The following SEC31A variants were observed in gnomAD, a reference collection of about 807,000 sequenced individuals.
SEC31A encodes SEC31 homolog A, COPII component.
SEC31A carries 70 observed loss-of-function variants against 151.0 expected under a neutral mutation model. The ratio of observed to expected loss-of-function variants is 0.46; its 90% CI spans 0.38 to 0.57. The LOEUF (loss-of-function observed/expected upper bound fraction) is 0.57, where lower values mean the gene tolerates loss of function less well. Among genes scored for constraint, SEC31A ranks in the 20% least tolerant of loss-of-function variants. The pLI is 0.00. For synonymous variants in SEC31A, 475 were observed against 505.9 expected (o/e 0.94, Z 0.82); for missense variants, 1,330 against 1,471.2 (o/e 0.90, Z 1.57).
intron 1 of SEC31A, among the ~76,000 whole-genome samples, chr4:82,885,597 T>C (rs1041094257): frequency 6.6e-6 from 1 of 152,168 alleles, no homozygotes; most frequent in Non-Finnish European, 1.5e-5. Flanking sequence ...TTTCTCAGTG[T>C]TTACCTTTGA....
chr4:82,873,512 T>G (rs1737224747), intron 6 of SEC31A, among the ~76,000 whole-genome samples: 1 of 152,206 alleles, frequency 6.6e-6, no homozygotes, highest in Admixed American at 6.5e-5. Context: ...TATTAGGAAC[T>G]ATCTGCAAGT....
In SEC31A at chr4:82,833,906, G is replaced by C. The variant is rs1026677084; in HGVS notation, c.2969-4848C>G. On this transcript the variant is annotated intron_variant, in intron 22 of 26. Coordinates refer to ENST00000395310, the MANE Select transcript of SEC31A (RefSeq NM_001077207.4). ...GCACATGTCCCAGGGAAACTGTGAG[G>C]GGGGAGAGGTAATCCCACAGTTTGA... Among the ~76,000 whole-genome samples, 4 of 152,194 alleles carry C rather than the reference G, an allele frequency of 2.6e-5. No individual in the cohort carries two copies. The East Asian group carries it at 5.8e-4, about 22-fold the overall frequency.
chr4:82,833,097 C>T (rs1726349520), intron 22 of SEC31A, among the ~76,000 whole-genome samples: 1 of 152,202 alleles, frequency 6.6e-6, no homozygotes, highest in Non-Finnish European at 1.5e-5. Flanking sequence ...GATAAAGACA[C>T]ATGCACACGT....
intron 22 of SEC31A, among the ~76,000 whole-genome samples, chr4:82,833,087 G>A (rs939800360): frequency 1.1e-4 from 17 of 152,008 alleles, no homozygotes; most frequent in Admixed American, 7.9e-4. Context: ...ATCATTCTAC[G>A]ATAAAGACAC....
At chr4:82,849,622 A>AC in intron 19 of SEC31A, among the ~76,000 whole-genome samples, 1 of 151,562 alleles carries the variant, frequency 6.6e-6, no homozygotes. Flanking sequence ...TCAAAAAAAA[A>AC]AAAAAAAAAC....
chr4:82,829,260 G>C, intron 22 of SEC31A: 1 of 485,092 alleles, frequency 2.1e-6, no homozygotes, highest in East Asian at 3.0e-5. Context: ...GTCTTCACTT[G>C]GTAGGTAAGA....
At chr4:82,834,337 GAGA>G (rs1187969371) in intron 22 of SEC31A, among the ~76,000 whole-genome samples, 2 of 152,190 alleles carry the variant, frequency 1.3e-5, no homozygotes, top group Admixed American at 6.5e-5. Flanking sequence ...CCTTCCTCAT[GAGA>G]AGAAAGTGCA....
At chr4:82,830,906 T>C in intron 22 of SEC31A, 6 of 1,100,034 alleles carry the variant, frequency 5.5e-6, no homozygotes, top group Non-Finnish European at 7.0e-6. Context: ...TATTCAAAGA[T>C]TTCCAAAGGT....
At chr4:82,896,238 A>G (rs899437359), upstream of SEC31A, among the ~76,000 whole-genome samples, 5 of 152,144 alleles carry the variant, frequency 3.3e-5, no homozygotes, top group Non-Finnish European at 4.4e-5. Flanking sequence ...TTCTTTTTTG[A>G]GACAGAGTCT....
At position 82,854,921 on chromosome 4, in the gene SEC31A, C is replaced by A; in HGVS notation, c.1990G>T (p.Glu664Ter). ...CTCTTACCACAAAGGGCTGAAAATTCATCCGGCTTTGCATAAGTCAATACT... is the reference window on the plus strand; with the variant it reads ...CTCTTACCACAAAGGGCTGAAAATTAATCCGGCTTTGCATAAGTCAATACT... ...AAVLTYAKPDEFSALCDLLGT... is the reference protein window; with the variant it reads ...AAVLTYAKPD The change falls in exon 17 of 27, where the codon GAA becomes TAA. Residue 664 changes from glutamate (E) to a stop codon, truncating the protein, a stop_gained. Coordinates refer to ENST00000395310, the MANE Select transcript of SEC31A (RefSeq NM_001077207.4). LOFTEE classifies it high-confidence loss of function. 1.2e-6 allele frequency: 2 copies of A among 1,612,592 alleles called. No homozygotes were observed. The highest frequency in any genetic ancestry group is 1.7e-6 in the Non-Finnish European group (2 of 1,179,538).
At chr4:82,898,647 A>G (rs183809976) in intron 3 of SEC31A, among the ~76,000 whole-genome samples, 1 of 152,358 alleles carries the variant, frequency 6.6e-6, no homozygotes, top group East Asian at 1.9e-4. Flanking sequence ...CTCTACCTTA[A>G]GAAAATGGCA....
At chr4:82,866,385 C>T (rs978307959) in intron 10 of SEC31A, among the ~76,000 whole-genome samples, 7 of 152,034 alleles carry the variant, frequency 4.6e-5, no homozygotes, top group Non-Finnish European at 7.4e-5. Context: ...GCAGGAGAAT[C>T]GCTTGAACCA....
chr4:82,820,901 C>A (rs1245699331), intron 26 of SEC31A, 136 bp downstream of exon 26: 1 of 711,528 alleles, frequency 1.4e-6, no homozygotes, highest in Non-Finnish European at 2.5e-6. Flanking sequence ...TATGATTCAA[C>A]ACAGCCATGC....
Position 82,855,030 on chromosome 4 carries a change from C to T in SEC31A, c.1882-1G>A, listed in dbSNP as rs1451274717. ...TCTTCATCACCACTGCAGTGATGAG[C>T]TTGAGAAACGAAAACAAAGGAAGAA... is the stretch of plus-strand genomic sequence containing the variant. On this transcript the variant is annotated splice_acceptor_variant, in intron 16 of 26. Transcript: ENST00000395310. LOFTEE classifies it high-confidence loss of function. 1.9e-6 allele frequency: 3 copies of T among 1,587,746 alleles called. No homozygotes were observed. In the Admixed American group the frequency reaches 5.8e-5, roughly 31 times the overall value.
intron 3 of SEC31A, among the ~76,000 whole-genome samples, chr4:82,880,140 G>A (rs1211942782): frequency 2.6e-5 from 4 of 151,246 alleles, no homozygotes; most frequent in Non-Finnish European, 5.9e-5. Context: ...CCGAGATTGC[G>A]CCATTGCACT....
intron 22 of SEC31A, among the ~76,000 whole-genome samples, chr4:82,838,834 C>A (rs1043860553): frequency 6.6e-6 from 1 of 152,140 alleles, no homozygotes; most frequent in Admixed American, 6.6e-5. Flanking sequence ...TTTCTCTGAG[C>A]CCTGAGCACA....
Position 82,827,727 on chromosome 4 carries a change from G to A in SEC31A, c.3028-95C>T, listed in dbSNP as rs542016115. 6.2e-5 allele frequency: 79 copies of A among 1,268,608 alleles called. No individual in the cohort carries two copies. In the African/African-American group the frequency reaches 8.9e-4, roughly 14 times the overall value. The allele number at this position is 1,268,608 out of a possible 1,614,324, so 78.6% of individuals were successfully genotyped here. On this transcript the variant is annotated intron_variant, in intron 23 of 26. Transcript: ENST00000395310. ...AAATAAGGGAGTTAGGTTATACCAC[G>A]GCTAAACAAATTTTTTAATAGTAGT...
chr4:82,863,396 TAA>T lies in SEC31A; in HGVS notation c.1435-6_1435-5del, dbSNP rs745582044. 9.4e-6 allele frequency: 14 copies of T among 1,492,962 alleles called. No homozygotes were observed. Among genetic ancestry groups the T allele is most frequent in the African/African-American group, 1.4e-5 (1 of 69,848 alleles). The allele number at this position is 1,492,962 out of a possible 1,614,324, so 92.5% of individuals were successfully genotyped here. A position where few individuals can be genotyped will look rare whatever the true frequency, so the allele number is the denominator to read the frequency against. ...GAGAATCATCCTCAAAGTTTACCTTTAAAAAAAAAGACATATTCTTAAAACAA... is the reference window on the plus strand; with the variant it reads ...GAGAATCATCCTCAAAGTTTACCTTTAAAAAAAGACATATTCTTAAAACAA... On this transcript the variant is annotated splice_polypyrimidine_tract_variant and splice_region_variant and intron_variant, in intron 11 of 26. Coordinates refer to ENST00000395310, the MANE Select transcript of SEC31A (RefSeq NM_001077207.4).
At chr4:82,858,200 C>T (rs1321369065) in intron 14 of SEC31A, among the ~76,000 whole-genome samples, 1 of 151,924 alleles carries the variant, frequency 6.6e-6, no homozygotes, top group Non-Finnish European at 1.5e-5. Context: ...ATCACAAGGT[C>T]AGGAGATCAA....
Sources: allele counts gnomAD v4.1 joint callset (sites outside exome capture counted in the v4.1 genomes callset), GRCh38; gene constraint gnomAD v4.1.1; transcripts MANE v1.5; gene names NCBI Gene and HGNC (gene_info 2026-07-23, HGNC 2026-07-21).